BMP5: variants seen among roughly 807,000 people sequenced by gnomAD.
BMP5 encodes bone morphogenetic protein 5.
A neutral mutation model predicts 46.6 loss-of-function variants in BMP5; 23 were observed. The ratio of observed to expected loss-of-function variants is 0.49; its 90% CI spans 0.35 to 0.70. The LOEUF (loss-of-function observed/expected upper bound fraction) is 0.70, where lower values mean the gene tolerates loss of function less well. Among genes scored for constraint, BMP5 ranks in the 30% least tolerant of loss-of-function variants. The pLI is 0.00. For synonymous variants in BMP5, 204 were observed against 191.9 expected, an observed-to-expected ratio of 1.06 and a Z score of -0.52; for missense variants, 545 against 565.6, an observed-to-expected ratio of 0.96 and a Z score of 0.37.
chr6:55,796,454 A>AAT (rs1775713554), intron 2 of BMP5, among the ~76,000 whole-genome samples: 2 of 152,006 alleles, frequency 1.3e-5, no homozygotes, highest in African/African-American at 4.8e-5. Flanking sequence ...TTCCAGTTTA[A>AAT]ATGTATATAT....
chr6:55,850,981 T>C lies in BMP5; in HGVS notation c.490+23395A>G, dbSNP rs147098976. On this transcript the variant is annotated intron_variant, in intron 1 of 6. Coordinates refer to ENST00000370830, the MANE Select transcript of BMP5 (RefSeq NM_021073.4). ...TGCATAGCAGTTGAATGGTAAAAGATAGCTACTACCAAAGTTACTGTTTTG... is the reference window on the plus strand; with the variant it reads ...TGCATAGCAGTTGAATGGTAAAAGACAGCTACTACCAAAGTTACTGTTTTG... 3.9e-3 allele frequency among the ~76,000 whole-genome samples: 601 copies of C among 152,302 alleles called. 5 individuals are homozygous for C. Among genetic ancestry groups the C allele is most frequent in the African/African-American group, 0.013 (555 of 41,574 alleles).
At chr6:55,872,807 T>C (rs1777816070) in intron 1 of BMP5, among the ~76,000 whole-genome samples, 1 of 151,836 alleles carries the variant, frequency 6.6e-6, no homozygotes, top group Non-Finnish European at 1.5e-5. Flanking sequence ...GGTTGAAATT[T>C]TTCTATTAAA....
At chr6:55,785,682 A>T (rs1775429577) in intron 3 of BMP5, among the ~76,000 whole-genome samples, 1 of 151,758 alleles carries the variant, frequency 6.6e-6, no homozygotes, top group Non-Finnish European at 1.5e-5. Context: ...TCACATTAAA[A>T]TGACCAACAT....
chr6:55,774,247 G>C lies in BMP5; in HGVS notation c.833-4C>G, dbSNP rs959940519. On this transcript the variant is annotated splice_polypyrimidine_tract_variant and splice_region_variant and intron_variant, in intron 3 of 6. Coordinates refer to ENST00000370830, the MANE Select transcript of BMP5 (RefSeq NM_021073.4). ...GATTTTACGTTGATACTGCGTCCTAGAACGTAATACAAAAGCACTTGGTTT... is the reference window on the plus strand; with the variant it reads ...GATTTTACGTTGATACTGCGTCCTACAACGTAATACAAAAGCACTTGGTTT... 6.2e-7 allele frequency: 1 copy of C among 1,612,068 alleles called. No homozygotes were observed.
chr6:55,815,416 C>T (rs921943984), intron 2 of BMP5, among the ~76,000 whole-genome samples: 25 of 152,108 alleles, frequency 1.6e-4, no homozygotes, highest in African/African-American at 5.6e-4. Flanking sequence ...CCTATCAAAT[C>T]TATATCATCC....
intron 1 of BMP5, among the ~76,000 whole-genome samples, chr6:55,825,487 A>G (rs1776507799): frequency 6.6e-6 from 1 of 151,892 alleles, no homozygotes; most frequent in South Asian, 2.1e-4. Context: ...GCACCAAACT[A>G]TGTCCTAAGT....
chr6:55,763,167 A>G (rs1269590723), intron 4 of BMP5, among the ~76,000 whole-genome samples: 1 of 152,192 alleles, frequency 6.6e-6, no homozygotes, highest in Non-Finnish European at 1.5e-5. Flanking sequence ...AATTAAAAAT[A>G]TTAAATATGA....
chr6:55,858,788 G>A (rs766172476), intron 1 of BMP5, among the ~76,000 whole-genome samples: 2 of 152,130 alleles, frequency 1.3e-5, no homozygotes, highest in Non-Finnish European at 2.9e-5. Context: ...TATACACAAT[G>A]GAATACTATG....
intron 3 of BMP5, among the ~76,000 whole-genome samples, chr6:55,787,318 T>C (rs1775472854): frequency 6.6e-6 from 1 of 151,712 alleles, no homozygotes. Flanking sequence ...TATTAAGAAC[T>C]CTGCATTTCT....
chr6:55,853,698 T>A (rs1777311103), intron 1 of BMP5, among the ~76,000 whole-genome samples: 1 of 152,180 alleles, frequency 6.6e-6, no homozygotes, highest in South Asian at 2.1e-4. Flanking sequence ...AATTAGCACA[T>A]TTTTATTATT....
intron 3 of BMP5, among the ~76,000 whole-genome samples, chr6:55,784,126 T>C (rs1400877922): frequency 6.6e-6 from 1 of 151,904 alleles, no homozygotes; most frequent in African/African-American, 2.4e-5. Context: ...ATTAAGTTAT[T>C]GTGATCTGCC....
intron 1 of BMP5, chr6:55,865,542 G>A (rs1395404695): frequency 2.8e-6 from 1 of 352,304 alleles, no homozygotes; most frequent in Non-Finnish European, 5.6e-6. Context: ...TCTAGTGGGG[G>A]AACAGAGTCC....
chr6:55,827,666 A>G (rs1460553606), intron 1 of BMP5, among the ~76,000 whole-genome samples: 1 of 151,824 alleles, frequency 6.6e-6, no homozygotes, highest in Admixed American at 6.6e-5. Flanking sequence ...TTAGAAAGGA[A>G]AAATTATTAA....
chr6:55,822,685 G>A (rs1776437749), intron 1 of BMP5, among the ~76,000 whole-genome samples: 1 of 152,104 alleles, frequency 6.6e-6, no homozygotes, highest in Non-Finnish European at 1.5e-5. Context: ...TAATGCAGAT[G>A]AGTATTGAAT....
At chr6:55,802,234 C>G (rs977301135) in intron 2 of BMP5, among the ~76,000 whole-genome samples, 1 of 152,138 alleles carries the variant, frequency 6.6e-6, no homozygotes, top group African/African-American at 2.4e-5. Context: ...GTGTCCATGG[C>G]AATAGTTCTA....
chr6:55,756,973 C>T (rs544196958), intron 6 of BMP5, among the ~76,000 whole-genome samples: 4 of 151,788 alleles, frequency 2.6e-5, no homozygotes, highest in African/African-American at 2.4e-5. Context: ...AAACATAAAG[C>T]GTGCACAACA....
At chr6:55,771,971 G>C (rs563543974) in intron 4 of BMP5, among the ~76,000 whole-genome samples, 2 of 151,718 alleles carry the variant, frequency 1.3e-5, no homozygotes, top group Non-Finnish European at 2.9e-5. Context: ...TTAAAGCCTT[G>C]TCTTTTAGAC....
chr6:55,842,097 G>A (rs937144598), intron 1 of BMP5, among the ~76,000 whole-genome samples: 5 of 152,134 alleles, frequency 3.3e-5, no homozygotes, highest in African/African-American at 4.8e-5. Flanking sequence ...TGAATGATAT[G>A]TTGCAGAGAG....
At chr6:55,851,812 T>C (rs1465184265) in intron 1 of BMP5, among the ~76,000 whole-genome samples, 1 of 152,144 alleles carries the variant, frequency 6.6e-6, no homozygotes, top group Non-Finnish European at 1.5e-5. Flanking sequence ...AAAATCTACA[T>C]TCCCTCTAGT....
Sources: gnomAD v4.1 joint callset for allele counts (sites outside exome capture counted in the v4.1 genomes callset) on GRCh38, gnomAD v4.1.1 for gene constraint, MANE v1.5 for transcripts, NCBI Gene and HGNC (gene_info 2026-07-23, HGNC 2026-07-21) for gene names.